Variants in TMA7 observed in about 807,000 individuals in gnomAD.
The protein encoded by TMA7 is translation machinery associated 7 homolog.
A neutral mutation model predicts 12.5 loss-of-function variants in TMA7; 5 were observed. The ratio of observed to expected loss-of-function variants is 0.40; its 90% CI spans 0.21 to 0.84. The LOEUF is 0.84. Ranked by LOEUF, TMA7 falls within the 40% of genes least tolerant of loss-of-function variation. TMA7 has a pLI of 0.36. For synonymous variants in TMA7, 36 were observed against 28.1 expected (o/e 1.28, Z -0.89); for missense variants, 71 against 75.4 (o/e 0.94, Z 0.22).
intron 3 of TMA7, among the ~76,000 whole-genome samples, chr3:48,443,489 GTGCCACTGCAC>G (rs1240658531): frequency 6.6e-6 from 1 of 151,302 alleles, no homozygotes; most frequent in African/African-American, 2.4e-5. Flanking sequence ...AGCTGAGATC[GTGCCACTGCAC>G]TGCAGCCTGG....
In TMA7 at chr3:48,440,281, A is replaced by AGCG. The variant is rs777873183; in HGVS notation, c.-10_-8dup. ...CGTTTCCGGTGGCAGGGTCTGGGGA[A>AGCG]GCGGCGGCAGGCGCCATGTCCGGCC... On this transcript the variant is annotated 5_prime_UTR_variant, in exon 1 of 4. Coordinates refer to ENST00000438607, the MANE Select transcript of TMA7 (RefSeq NM_015933.6). 6.3e-7 allele frequency: 1 copy of AGCG among 1,599,904 alleles called. No individual in the cohort carries two copies. Among genetic ancestry groups the AGCG allele is most frequent in the African/African-American group, 1.3e-5 (1 of 74,776 alleles).
chr3:48,440,497 G>A, intron 2 of TMA7, 39 bp downstream of exon 2: 1 of 1,603,364 alleles, frequency 6.2e-7, no homozygotes, highest in Non-Finnish European at 8.5e-7. Flanking sequence ...GTGCGGGGGC[G>A]CTGGGAGACA....
chr3:48,443,241 CAAAAAAAAAAAAAAAA>C (rs3082576), intron 3 of TMA7, among the ~76,000 whole-genome samples: 1 of 70,534 alleles, frequency 1.4e-5, no homozygotes, highest in Admixed American at 1.7e-4. Flanking sequence ...ACTCCATCTC[CAAAAAAAAAAAAAAAA>C]AAAAAAAATG....
At chr3:48,442,968 G>T (rs2039602062) in intron 3 of TMA7, among the ~76,000 whole-genome samples, 1 of 151,852 alleles carries the variant, frequency 6.6e-6, no homozygotes, top group African/African-American at 2.4e-5. Context: ...GGCTGGGCAT[G>T]GTGGCTCAAG....
intron 3 of TMA7, among the ~76,000 whole-genome samples, chr3:48,441,884 C>G (rs1318471841): frequency 6.6e-6 from 1 of 152,146 alleles, no homozygotes; most frequent in East Asian, 1.9e-4. Context: ...GGGTTTGATC[C>G]ATTATTGTTT....
At chr3:48,440,887 G>A (rs2039545370) in intron 3 of TMA7, 2 of 558,712 alleles carry the variant, frequency 3.6e-6, no homozygotes, top group Non-Finnish European at 6.4e-6. Context: ...ACAGTGAAAT[G>A]TATTTACCTC....
rs2039623668 is a variant in TMA7 at position 48,444,003 on chromosome 3, T to C, written c.*121T>C. The C allele has an allele frequency of 1.4e-6, 1 of 719,106 alleles. No individual in the cohort carries two copies. Among genetic ancestry groups the C allele is most frequent in the South Asian group, 4.7e-5 (1 of 21,292 alleles). 44.5% of individuals were successfully genotyped at this position (719,106 alleles called of 1,614,324 possible). On this transcript the variant is annotated 3_prime_UTR_variant, in exon 4 of 4. Coordinates refer to ENST00000438607, the MANE Select transcript of TMA7 (RefSeq NM_015933.6). ...GGAATTAAGTGTTGTCTTGGAGCTGTTGTACATTTAAGAATAAACTTTTGT... is the reference window on the plus strand; with the variant it reads ...GGAATTAAGTGTTGTCTTGGAGCTGCTGTACATTTAAGAATAAACTTTTGT...
At chr3:48,442,921 A>G (rs1398279427) in intron 3 of TMA7, among the ~76,000 whole-genome samples, 3 of 152,116 alleles carry the variant, frequency 2.0e-5, no homozygotes, top group Non-Finnish European at 4.4e-5. Flanking sequence ...GGCTTGTCAC[A>G]TACTTGAACA....
At position 48,440,617 on chromosome 3, in the gene TMA7, A is replaced by G. The variant is rs1214575338; in HGVS notation, c.149A>G (p.Lys50Arg). The G allele has an allele frequency of 1.9e-6, 3 of 1,611,436 alleles. No individual in the cohort carries two copies. Among genetic ancestry groups the G allele is most frequent in the Non-Finnish European group, 2.5e-6 (3 of 1,179,652 alleles). ...GAGCTAAAAGCGAAGGCCGCGGGGAAGGGGCCCTTGGGTAAGTGGGGGCCG... is the reference window on the plus strand; with the variant it reads ...GAGCTAAAAGCGAAGGCCGCGGGGAGGGGGCCCTTGGGTAAGTGGGGGCCG... ...LEELKAKAAG[K>R]GPLATGGIKK... is the part of the protein sequence containing the mutation. The change falls in exon 3 of 4, where the codon AAG becomes AGG. Residue 50 changes from lysine (K) to arginine (R), a missense_variant. Physicochemically the swap from Lys to Arg is conservative, Grantham distance 26. Transcript: ENST00000438607.
intron 3 of TMA7, among the ~76,000 whole-genome samples, chr3:48,443,185 G>A (rs926540771): frequency 2.7e-5 from 4 of 145,754 alleles, no homozygotes; most frequent in Admixed American, 7.0e-5. Context: ...AGGCTGCAGT[G>A]AGCCAAAATT....
rs755896347 is a variant in TMA7, at chr3:48,440,271, G to C, written c.-26G>C. 1.9e-6 allele frequency: 3 copies of C among 1,593,686 alleles called. No homozygotes were observed. The highest frequency in any genetic ancestry group is 2.6e-6 in the Non-Finnish European group (3 of 1,170,230). On this transcript the variant is annotated 5_prime_UTR_variant, in exon 1 of 4. Transcript: ENST00000438607. ...GCAGACGCTCCGTTTCCGGTGGCAG[G>C]GTCTGGGGAAGCGGCGGCAGGCGCC...
rs2039625640 is a variant in TMA7 at position 48,444,110 on chromosome 3, A to AGT, written c.*229_*230dup. 9 of 375,350 alleles carry AGT rather than the reference A, an allele frequency of 2.4e-5. No individual in the cohort carries two copies. The highest frequency in any genetic ancestry group is 2.4e-5 in the Non-Finnish European group (5 of 210,890). 23.3% of individuals were successfully genotyped at this position (375,350 alleles called of 1,614,324 possible). On this transcript the variant is annotated 3_prime_UTR_variant, in exon 4 of 4. Transcript: ENST00000438607. ...GTTCCTACCATAACTGTGAATTTAAAGTAAAACCAGCTCAGAATCTTGCCA... is the reference window on the plus strand; with the variant it reads ...GTTCCTACCATAACTGTGAATTTAAAGTGTAAAACCAGCTCAGAATCTTGCCA...
At chr3:48,441,182 A>T in intron 3 of TMA7, 1 of 146,396 alleles carries the variant, frequency 6.8e-6, no homozygotes, top group Non-Finnish European at 1.5e-5. Flanking sequence ...CGCCTGGCTA[A>T]TTTTTTTTTT....
intron 3 of TMA7, among the ~76,000 whole-genome samples, chr3:48,442,491 G>C (rs1443892683): frequency 7.4e-6 from 1 of 135,296 alleles, no homozygotes; most frequent in African/African-American, 2.8e-5. Flanking sequence ...TCACTCTGTC[G>C]CCCAGGCTGG....
chr3:48,440,759 T>TGGTC (rs1158665636), intron 3 of TMA7, 131 bp downstream of exon 3: 14 of 817,842 alleles, frequency 1.7e-5, no homozygotes, highest in Non-Finnish European at 2.4e-5. Context: ...CTGCAGCGAA[T>TGGTC]GGTCTCTAGC....
At chr3:48,442,083 CGTG>C (rs201395626) in intron 3 of TMA7, among the ~76,000 whole-genome samples, 1 of 151,976 alleles carries the variant, frequency 6.6e-6, no homozygotes. Context: ...ATTAGCTGGG[CGTG>C]GTGGTGGTGG....
intron 3 of TMA7, among the ~76,000 whole-genome samples, chr3:48,441,547 C>CT (rs1376556427): frequency 6.7e-6 from 1 of 149,836 alleles, no homozygotes; most frequent in East Asian, 1.9e-4. Flanking sequence ...CTTTCTGAGT[C>CT]TTTTTACTTC....
chr3:48,443,376 G>A (rs1025442644), intron 3 of TMA7, among the ~76,000 whole-genome samples: 3 of 151,502 alleles, frequency 2.0e-5, no homozygotes, highest in East Asian at 1.9e-4. Flanking sequence ...GGTGAGCCCC[G>A]TCTCCACTAA....
At chr3:48,441,860 A>T (rs1365469800) in intron 3 of TMA7, among the ~76,000 whole-genome samples, 1 of 151,998 alleles carries the variant, frequency 6.6e-6, no homozygotes, top group African/African-American at 2.4e-5. Flanking sequence ...GCTTCCCAAG[A>T]CCTCTCTCCC....
Sources: gnomAD v4.1 joint callset for allele counts (sites outside exome capture counted in the v4.1 genomes callset) on GRCh38, gnomAD v4.1.1 for gene constraint, MANE v1.5 for transcripts, NCBI Gene and HGNC (gene_info 2026-07-23, HGNC 2026-07-21) for gene names.